MREG: variants seen among roughly 807,000 people sequenced by gnomAD.
MREG encodes the protein dilute suppressor protein homolog.
MREG carries 31 observed loss-of-function variants against 28.5 expected under a neutral mutation model. The ratio of observed to expected loss-of-function variants is 1.09; its 90% CI spans 0.82 to 1.47. MREG has a LOEUF of 1.47. Among genes scored for constraint, MREG ranks in the 40% most tolerant of loss-of-function variants. MREG has a pLI of 0.00. For missense variants in MREG, 256 were observed against 257.4 expected (o/e 0.99, Z 0.04); for synonymous variants, 106 against 95.2 (o/e 1.11, Z -0.66).
intron 2 of MREG, among the ~76,000 whole-genome samples, chr2:215,975,027 T>TATATATATATATATATATATATATATA (rs1693215993): frequency 2.1e-5 from 3 of 144,718 alleles, no homozygotes; most frequent in Non-Finnish European, 3.0e-5. Flanking sequence ...TATATATATA[T>TATATATATATATATATATATATATATA]GAAATAATAC....
intron 2 of MREG, among the ~76,000 whole-genome samples, chr2:215,962,062 G>A (rs569034322): frequency 2.0e-5 from 3 of 152,308 alleles, no homozygotes; most frequent in Non-Finnish European, 4.4e-5. Flanking sequence ...CTCTGAATCC[G>A]AGCTAGAGTT....
downstream of MREG, among the ~76,000 whole-genome samples, chr2:215,940,339 T>C (rs184104103): frequency 6.6e-6 from 1 of 152,334 alleles, no homozygotes; most frequent in African/African-American, 2.4e-5. Context: ...CTCCCTTCAC[T>C]GCAAAATATT....
intron 2 of MREG, among the ~76,000 whole-genome samples, chr2:215,978,360 C>T (rs1000021477): frequency 1.3e-5 from 2 of 152,134 alleles, no homozygotes; most frequent in Admixed American, 6.5e-5. Context: ...GAATAGACCA[C>T]TAACAGGCTC....
At chr2:215,981,114 TTAAA>T (rs1693417862) in intron 2 of MREG, among the ~76,000 whole-genome samples, 1 of 152,102 alleles carries the variant, frequency 6.6e-6, no homozygotes, top group South Asian at 2.1e-4. Flanking sequence ...TAATAACTCA[TTAAA>T]TAAATTACTC....
chr2:216,026,448 C>T (rs1032081469), intron 1 of MREG, among the ~76,000 whole-genome samples: 4 of 152,126 alleles, frequency 2.6e-5, no homozygotes, highest in African/African-American at 9.7e-5. Flanking sequence ...TCATTGCAAC[C>T]TTCCCAGGGT....
intron 1 of MREG, among the ~76,000 whole-genome samples, chr2:216,030,772 A>C (rs1431474801): frequency 6.8e-6 from 1 of 147,102 alleles, no homozygotes; most frequent in Non-Finnish European, 1.5e-5. Context: ...CATGTTGGCC[A>C]GGCTGGTCTT....
rs753608440 is a variant in MREG, at chr2:216,013,495, G to A, written c.-168C>T. On this transcript the variant is annotated 5_prime_UTR_variant, in exon 1 of 5. Coordinates refer to ENST00000263268, the MANE Select transcript of MREG (RefSeq NM_018000.3). Reference sequence around the variant, plus strand: ...TCACGCCGCGGCCGGGGACGCGGGCGAGGGCTGCAGGCCGCGCGCCCTCCT... The same window carrying A: ...TCACGCCGCGGCCGGGGACGCGGGCAAGGGCTGCAGGCCGCGCGCCCTCCT... 7.8e-5 allele frequency: 16 copies of A among 206,024 alleles called. No homozygotes were observed. Among genetic ancestry groups the A allele is most frequent in the African/African-American group, 1.9e-4 (8 of 42,574 alleles). The allele number at this position is 206,024 out of a possible 1,614,324, so 12.8% of individuals were successfully genotyped here.
intron 2 of MREG, among the ~76,000 whole-genome samples, chr2:215,970,732 G>A (rs994764141): frequency 6.6e-6 from 1 of 152,198 alleles, no homozygotes; most frequent in Non-Finnish European, 1.5e-5. Flanking sequence ...CCACAGGCTT[G>A]TAAAGCTCAA....
At chr2:216,014,451 C>T (rs1438903919), upstream of MREG, among the ~76,000 whole-genome samples, 1 of 152,176 alleles carries the variant, frequency 6.6e-6, no homozygotes, top group East Asian at 1.9e-4. Flanking sequence ...GAGATTGAGA[C>T]CATCCTGGCC....
chr2:216,003,492 T>C (rs913817090), intron 1 of MREG, among the ~76,000 whole-genome samples: 2 of 152,152 alleles, frequency 1.3e-5, no homozygotes, highest in Admixed American at 6.5e-5. Flanking sequence ...TCTGCTTTCA[T>C]TCACACCTGG....
chr2:215,985,510 T>C (rs974060008), intron 2 of MREG, among the ~76,000 whole-genome samples: 4 of 152,364 alleles, frequency 2.6e-5, no homozygotes, highest in African/African-American at 9.6e-5. Flanking sequence ...ATTCTGTCTA[T>C]GAGATTTAAA....
intron 2 of MREG, among the ~76,000 whole-genome samples, chr2:215,963,613 AT>A (rs1692860164): frequency 6.6e-6 from 1 of 152,128 alleles, no homozygotes; most frequent in African/African-American, 2.4e-5. Context: ...CTTGCATTGT[AT>A]TTTTATTGGG....
rs112289571 is a variant in MREG, at chr2:216,029,529, C to G, written c.-68+3260G>C. 3.9e-3 allele frequency among the ~76,000 whole-genome samples: 590 copies of G among 152,296 alleles called. 4 individuals carry two copies. The highest frequency in any genetic ancestry group is 0.013 in the African/African-American group (559 of 41,572). On this transcript the variant is annotated intron_variant, in intron 1 of 3. Coordinates refer to the MREG transcript ENST00000420348. ...GACGACAAAGGCAAAATGATAAACA[C>G]AAGGCAGAAGGTGCTTATGCACCTC...
intron 1 of MREG, among the ~76,000 whole-genome samples, chr2:216,001,798 C>A (rs546948847): frequency 6.6e-6 from 1 of 152,214 alleles, no homozygotes; most frequent in East Asian, 1.9e-4. Context: ...AGGTATCAAG[C>A]CACATTGTTT....
At chr2:216,012,312 T>C (rs1267491097) in intron 1 of MREG, among the ~76,000 whole-genome samples, 1 of 152,152 alleles carries the variant, frequency 6.6e-6, no homozygotes, top group Non-Finnish European at 1.5e-5. Context: ...GAAGGGGTTA[T>C]GTAAGATCTC....
chr2:215,958,832 T>G (rs1450816602), intron 2 of MREG, among the ~76,000 whole-genome samples: 21 of 152,218 alleles, frequency 1.4e-4, no homozygotes, highest in Non-Finnish European at 3.1e-4. Flanking sequence ...CATACCCTTC[T>G]TAACATGCTT....
At chr2:215,952,342 C>T (rs992701129) in intron 2 of MREG, among the ~76,000 whole-genome samples, 2 of 152,066 alleles carry the variant, frequency 1.3e-5, no homozygotes, top group Non-Finnish European at 2.9e-5. Context: ...CACACGTGAA[C>T]GCGCACACAC....
chr2:216,026,925 T>C (rs932380355), intron 1 of MREG, among the ~76,000 whole-genome samples: 1 of 152,222 alleles, frequency 6.6e-6, no homozygotes, highest in Admixed American at 6.5e-5. Context: ...CCTATCCATG[T>C]AGTAGGCTCT....
downstream of MREG, among the ~76,000 whole-genome samples, chr2:215,940,697 T>C (rs1334537286): frequency 6.6e-6 from 1 of 152,150 alleles, no homozygotes; most frequent in Non-Finnish European, 1.5e-5. Context: ...GAGATTGGCA[T>C]GAAAGAAGTC....
Sources: allele counts gnomAD v4.1 joint callset (sites outside exome capture counted in the v4.1 genomes callset), GRCh38; gene constraint gnomAD v4.1.1; transcripts MANE v1.5; gene names NCBI Gene and HGNC (gene_info 2026-07-23, HGNC 2026-07-21).